Variants in DST observed in about 807,000 individuals in gnomAD.
DST encodes the protein dystonin, also known as bullous pemphigoid antigen.
DST carries 253 observed loss-of-function variants against 875.2 expected under a neutral mutation model. The observed-to-expected ratio is 0.29, with a 90% CI of 0.26 to 0.32. The LOEUF (loss-of-function observed/expected upper bound fraction) is 0.32, where lower values mean the gene tolerates loss of function less well. Among genes scored for constraint, DST ranks in the 10% least tolerant of loss-of-function variants. The pLI, the probability that DST is intolerant of heterozygous loss-of-function variation, is 1.00. For synonymous variants in DST, 3,124 were observed against 3,197.1 expected (o/e 0.98, Z 0.77); for missense variants, 8,287 against 9,111.6 (o/e 0.91, Z 3.68).
At chr6:56,592,729 A>G (rs1265444982) in intron 48 of DST, among the ~76,000 whole-genome samples, 2 of 152,164 alleles carry the variant, frequency 1.3e-5, no homozygotes, top group African/African-American at 2.4e-5. Flanking sequence ...ATAAATTTCT[A>G]TATGTTGCAC....
rs1388964431 is a variant in DST at position 56,821,740 on chromosome 6, A to G, written c.625+29657T>C. Reference sequence around the variant, plus strand: ...TTACTAAACTGATCCAAATTTAAATATCACATAGGAACATTCACATTAGTA... The same window carrying G: ...TTACTAAACTGATCCAAATTTAAATGTCACATAGGAACATTCACATTAGTA... On this transcript the variant is annotated intron_variant, in intron 4 of 103. Transcript: ENST00000680361. 5.3e-5 allele frequency among the ~76,000 whole-genome samples: 8 copies of G among 152,364 alleles called. No homozygotes were observed. In the South Asian group the frequency reaches 1.2e-3, roughly 24 times the overall value.
At position 56,605,181 on chromosome 6, in the gene DST, A is replaced by C. The variant is rs777507478; in HGVS notation, c.9447T>G (p.Ile3149Met). The C allele has an allele frequency of 1.9e-6, 3 of 1,612,006 alleles. No individual in the cohort carries two copies. Among genetic ancestry groups the C allele is most frequent in the Admixed American group, 1.7e-5 (1 of 59,682 alleles). ...TAATGTCTGAAGTAATGTCATCACT[A>C]ATCTCTTTGGAAACTGATGTGTCAA... ...EIFDTSVSKEISDDITSDITS... is the reference protein window; with the variant it reads ...EIFDTSVSKEMSDDITSDITS... The change falls in exon 40 of 104, where the codon ATT becomes ATG. Residue 3149 changes from isoleucine (I) to methionine (M), a missense_variant. By Grantham distance (10) the Ile-to-Met change is conservative. Transcript: ENST00000680361.
At chr6:56,464,444 A>G in intron 100 of DST, 1 of 536,336 alleles carries the variant, frequency 1.9e-6, no homozygotes, top group Non-Finnish European at 3.3e-6. Context: ...AACACTCCAC[A>G]AGAACCCGGT....
At chr6:56,580,559 TA>T (rs1275637347) in intron 49 of DST, among the ~76,000 whole-genome samples, 1 of 129,238 alleles carries the variant, frequency 7.7e-6, no homozygotes, top group African/African-American at 3.6e-5. Context: ...TTTCTTAAAA[TA>T]AATAAATAAA....
At position 56,497,413 on chromosome 6, in the gene DST, G is replaced by A. The variant is rs776871988; in HGVS notation, c.20189C>T (p.Pro6730Leu). ...ATTAAGCTGCTCCTTGGCTGTTTCCGGTAAACCTCCCAGCGGTTTAGATGC... is the reference window on the plus strand; with the variant it reads ...ATTAAGCTGCTCCTTGGCTGTTTCCAGTAAACCTCCCAGCGGTTTAGATGC... ...LLASKPLGGL[P>L]ETAKEQLNVH... Residue 6730 changes from proline to leucine, a missense_variant, in exon 82 of 104, where the codon CCG becomes CTG. Transcript: ENST00000680361. 14 of 1,612,850 alleles carry A rather than the reference G, an allele frequency of 8.7e-6. No homozygotes were observed. Among genetic ancestry groups the A allele is most frequent in the Admixed American group, 3.3e-5 (2 of 59,888 alleles).
At chr6:56,946,088 G>A (rs986055107) in intron 2 of DST, among the ~76,000 whole-genome samples, 3 of 152,122 alleles carry the variant, frequency 2.0e-5, no homozygotes, top group Non-Finnish European at 4.4e-5. Context: ...CTTCTTTTAA[G>A]TAGGCCCAAG....
chr6:56,854,409 A>G (rs1182176549), intron 3 of DST, among the ~76,000 whole-genome samples: 1 of 152,090 alleles, frequency 6.6e-6, no homozygotes, highest in Non-Finnish European at 1.5e-5. Flanking sequence ...TTTGATTCCT[A>G]TTAAAATACA....
chr6:56,610,368 A>G, intron 39 of DST, 59 bp downstream of exon 39: 1 of 1,282,746 alleles, frequency 7.8e-7, no homozygotes, highest in Non-Finnish European at 1.1e-6. Flanking sequence ...AGATTTCCAG[A>G]GCCATGCAAT....
intron 13 of DST, among the ~76,000 whole-genome samples, chr6:56,646,955 G>A (rs1246385279): frequency 6.6e-6 from 1 of 152,122 alleles, no homozygotes; most frequent in Non-Finnish European, 1.5e-5. Flanking sequence ...ATTTCTGAAG[G>A]ATTCCATTCA....
chr6:56,517,662 C>T, intron 69 of DST, 42 bp from the exon 70 acceptor site: 1 of 1,575,450 alleles, frequency 6.3e-7, no homozygotes, highest in Non-Finnish European at 8.6e-7. Context: ...GTTCCCGTTC[C>T]TGATGCCAGA....
At chr6:56,703,035 G>A (rs1291406906) in intron 7 of DST, among the ~76,000 whole-genome samples, 1 of 152,164 alleles carries the variant, frequency 6.6e-6, no homozygotes, top group African/African-American at 2.4e-5. Context: ...GAAGAAGCAC[G>A]TCTGTCTTGC....
intron 4 of DST, among the ~76,000 whole-genome samples, chr6:56,791,295 A>G (rs2099722569): frequency 6.6e-6 from 1 of 152,154 alleles, no homozygotes; most frequent in Non-Finnish European, 1.5e-5. Flanking sequence ...TAAGACTGGT[A>G]AAGGTATAGG....
chr6:56,894,975 C>T (rs1282310037), intron 3 of DST, among the ~76,000 whole-genome samples: 4 of 102,756 alleles, frequency 3.9e-5, no homozygotes, highest in South Asian at 2.6e-4. Context: ...GCTGGCCAGG[C>T]GGGGGGCTGA....
At chr6:56,863,547 A>C (rs1005493638) in intron 3 of DST, among the ~76,000 whole-genome samples, 2 of 152,098 alleles carry the variant, frequency 1.3e-5, no homozygotes, top group African/African-American at 4.8e-5. Context: ...CATCATGTAC[A>C]CTTAGGATCT....
At chr6:56,932,240 TTCTC>T (rs1317154093) in intron 2 of DST, among the ~76,000 whole-genome samples, 1 of 152,168 alleles carries the variant, frequency 6.6e-6, no homozygotes, top group Non-Finnish European at 1.5e-5. Flanking sequence ...CTGCTTTTGC[TTCTC>T]TCTCATTTTC....
chr6:56,470,068 G>A (rs2094806767), intron 96 of DST, 60 bp downstream of exon 96: 1 of 1,601,688 alleles, frequency 6.2e-7, no homozygotes, highest in African/African-American at 1.3e-5. Context: ...TATGAATTGT[G>A]CATGATATCG....
chr6:56,699,819 A>C (rs2099285644), intron 8 of DST, 74 bp from the exon 9 acceptor site: 2 of 613,566 alleles, frequency 3.3e-6, no homozygotes, highest in Non-Finnish European at 5.4e-6. Flanking sequence ...CCTACATAAA[A>C]GCAATTCTAA....
At position 56,535,134 on chromosome 6, in the gene DST, T is replaced by A; in HGVS notation, c.16929A>T (p.Ile5643=). Reference sequence around the variant, plus strand: ...ATGACTAACTTACCTTTTGTTCTTGTATCTGGGCCTTTACCACTTTGAACT... The same window carrying A: ...ATGACTAACTTACCTTTTGTTCTTGAATCTGGGCCTTTACCACTTTGAACT... The part of the protein sequence containing the change: ...SAEFKVVKAQ[I]QEQKLLQRLL... Residue 5643 remains isoleucine, a synonymous_variant, in exon 63 of 104, where the codon ATA becomes ATT. Coordinates refer to ENST00000680361, the MANE Select transcript of DST (RefSeq NM_001374736.1). The A allele has an allele frequency of 6.2e-7, 1 of 1,613,588 alleles. No individual in the cohort carries two copies. Among genetic ancestry groups the A allele is most frequent in the Non-Finnish European group, 8.5e-7 (1 of 1,179,794 alleles).
chr6:56,463,989 G>T, intron 100 of DST: 1 of 647,034 alleles, frequency 1.5e-6, no homozygotes, highest in Non-Finnish European at 2.9e-6. Flanking sequence ...AAAAAATAAA[G>T]TGTGCTTATT....
Sources: allele counts gnomAD v4.1 joint callset (sites outside exome capture counted in the v4.1 genomes callset), GRCh38; gene constraint gnomAD v4.1.1; transcripts MANE v1.5; gene names NCBI Gene and HGNC (gene_info 2026-07-23, HGNC 2026-07-21).